The following VPS26C variants were observed in gnomAD, a reference collection of about 807,000 sequenced individuals.
VPS26C encodes the protein vacuolar protein sorting-associated protein 26C.
A neutral mutation model predicts 30.6 loss-of-function variants in VPS26C; 19 were observed. The observed-to-expected ratio is 0.62, with a 90% CI of 0.43 to 0.91. VPS26C has a LOEUF of 0.91. VPS26C is among the 40% of genes least tolerant of loss of function. The pLI is 0.00. For missense variants in VPS26C, 318 were observed against 385.1 expected, an observed-to-expected ratio of 0.83 and a Z score of 1.46; for synonymous variants, 132 against 151.5, an observed-to-expected ratio of 0.87 and a Z score of 0.95.
At chr21:37,266,986 G>C (rs1311468171) in intron 1 of VPS26C, 3 of 549,522 alleles carry the variant, frequency 5.5e-6, no homozygotes, top group Non-Finnish European at 9.7e-6. Flanking sequence ...GGAGCTGGGC[G>C]CCTGCCCTGC....
intron 2 of VPS26C, among the ~76,000 whole-genome samples, chr21:37,240,262 A>G (rs1320342281): frequency 6.6e-6 from 1 of 152,138 alleles, no homozygotes; most frequent in East Asian, 1.9e-4. Flanking sequence ...AGCTGGGACT[A>G]CAGGCACGCA....
chr21:37,252,129 G>A (rs755966537), intron 1 of VPS26C, among the ~76,000 whole-genome samples: 15 of 152,240 alleles, frequency 9.9e-5, no homozygotes, highest in Non-Finnish European at 1.5e-4. Context: ...TTACCAATGA[G>A]GACCAAATGC....
At chr21:37,237,404 T>C (rs898712499) in intron 3 of VPS26C, 37 of 152,320 alleles carry the variant, frequency 2.4e-4, no homozygotes, top group African/African-American at 8.2e-4. Context: ...TTTCATTCAG[T>C]TTCTTTCAGG....
chr21:37,235,183 T>A (rs1181943825), intron 3 of VPS26C, among the ~76,000 whole-genome samples: 1 of 152,164 alleles, frequency 6.6e-6, no homozygotes, highest in South Asian at 2.1e-4. Flanking sequence ...ATTTTTGTAT[T>A]TTAGTAGAGA....
At chr21:37,260,503 G>T (rs770403049) in intron 1 of VPS26C, among the ~76,000 whole-genome samples, 1 of 152,106 alleles carries the variant, frequency 6.6e-6, no homozygotes, top group Non-Finnish European at 1.5e-5. Flanking sequence ...GCAACATAGC[G>T]TGATTTCATC....
intron 3 of VPS26C, among the ~76,000 whole-genome samples, chr21:37,235,881 T>TATATATA (rs1569233819): frequency 7.2e-5 from 10 of 139,666 alleles, no homozygotes; most frequent in Admixed American, 7.0e-5. Flanking sequence ...ATATATATAT[T>TATATATA]TTTTTTTTTA....
At chr21:37,230,062 G>A (rs1602263168) in intron 5 of VPS26C, among the ~76,000 whole-genome samples, 1 of 152,068 alleles carries the variant, frequency 6.6e-6, no homozygotes, top group South Asian at 2.1e-4. Flanking sequence ...GTAGAGACAG[G>A]TTCTATGTTG....
Position 37,250,951 on chromosome 21 carries a change from GA to G in VPS26C, c.58-10313del, listed in dbSNP as rs373177762. ...GAAAAAGATAACTCAGAAGAAAAAT[GA>G]AAAAAAAAAGGGCAAATGATCTGAA... On this transcript the variant is annotated intron_variant, in intron 1 of 7. Transcript: ENST00000309117. Among the ~76,000 whole-genome samples, 120 of 127,544 alleles carry G rather than the reference GA, an allele frequency of 9.4e-4. 1 individual carries two copies. Among genetic ancestry groups the G allele is most frequent in the East Asian group, 3.4e-3 (15 of 4,358 alleles). The allele number at this position is 127,544 out of a possible 152,430, so 83.7% of individuals were successfully genotyped here. A position where few individuals can be genotyped will look rare whatever the true frequency, so the allele number is the denominator to read the frequency against.
intron 2 of VPS26C, among the ~76,000 whole-genome samples, chr21:37,239,713 C>T (rs1334347828): frequency 6.6e-6 from 1 of 151,926 alleles, no homozygotes; most frequent in Non-Finnish European, 1.5e-5. Flanking sequence ...AAGCGATTCT[C>T]CTGCCTCAGC....
At chr21:37,238,324 G>A (rs750389393) in intron 3 of VPS26C, 136 bp downstream of exon 3, 33 of 971,274 alleles carry the variant, frequency 3.4e-5, no homozygotes, top group Non-Finnish European at 4.0e-5. Context: ...AATTAACGTC[G>A]AATATACATG....
At chr21:37,234,897 C>T (rs1015977199) in intron 3 of VPS26C, among the ~76,000 whole-genome samples, 2 of 151,960 alleles carry the variant, frequency 1.3e-5, no homozygotes, top group Non-Finnish European at 2.9e-5. Flanking sequence ...GGCTGAAGTG[C>T]GGTGGCGTGA....
intron 1 of VPS26C, among the ~76,000 whole-genome samples, chr21:37,259,047 G>A (rs79732047): frequency 0.028 from 4,330 of 152,196 alleles, 201 homozygotes; most frequent in African/African-American, 0.1. Flanking sequence ...TTGGATGACT[G>A]TATTCCTAAA....
At chr21:37,250,456 T>C (rs2086180596) in intron 1 of VPS26C, among the ~76,000 whole-genome samples, 1 of 152,182 alleles carries the variant, frequency 6.6e-6, no homozygotes, top group Non-Finnish European at 1.5e-5. Context: ...AAGGCCTTTC[T>C]ATGAATGCCT....
intron 5 of VPS26C, chr21:37,231,550 ATCCCAGGGCCCAGGCC>A (rs761701720): frequency 6.6e-6 from 1 of 152,412 alleles, no homozygotes; most frequent in African/African-American, 2.4e-5. Flanking sequence ...GGCCAATGAC[ATCCCAGGGCCCAGGCC>A]TCCCAGCTTG....
chr21:37,251,344 T>G (rs973137664), intron 1 of VPS26C, among the ~76,000 whole-genome samples: 4 of 152,208 alleles, frequency 2.6e-5, no homozygotes, highest in Non-Finnish European at 4.4e-5. Context: ...CTTTCAACAA[T>G]GTGGAGATCA....
Position 37,267,242 on chromosome 21 carries a change from G to C in VPS26C, c.53C>G (p.Ala18Gly). 2.1e-6 allele frequency: 2 copies of C among 938,092 alleles called. No individual in the cohort carries two copies. Among genetic ancestry groups the C allele is most frequent in the South Asian group, 1.3e-5 (1 of 78,636 alleles). 58.1% of individuals were successfully genotyped at this position (938,092 alleles called of 1,614,324 possible). ...CCACCCCCAGCCCCCACTTACCCCG[G>C]CGTGATAAACTTTATTCGCTCTTTT... ...KIKRANKVYH[A>G]GEVLSGVVVI... The change falls in exon 1 of 8, where the codon GCC (alanine) becomes GGC (glycine). Residue 18 changes from alanine (A) to glycine (G), a missense_variant. Coordinates refer to ENST00000309117, the MANE Select transcript of VPS26C (RefSeq NM_006052.2).
intron 1 of VPS26C, among the ~76,000 whole-genome samples, chr21:37,255,164 G>C (rs115747214): frequency 1.9e-3 from 286 of 152,184 alleles, no homozygotes; most frequent in African/African-American, 6.7e-3. Flanking sequence ...TTTTAGATTA[G>C]AAAAAGCTTA....
At chr21:37,253,160 CTG>C (rs1400868787) in intron 1 of VPS26C, among the ~76,000 whole-genome samples, 2 of 152,208 alleles carry the variant, frequency 1.3e-5, no homozygotes, top group East Asian at 1.9e-4. Context: ...AGCAATGAAA[CTG>C]TAACAAAATA....
chr21:37,261,977 A>G (rs1419067463), intron 1 of VPS26C: 1 of 152,198 alleles, frequency 6.6e-6, no homozygotes, highest in Non-Finnish European at 1.5e-5. Context: ...ACGAAGTACT[A>G]CTTAGAGTAG....
Sources: gnomAD v4.1 joint callset for allele counts (sites outside exome capture counted in the v4.1 genomes callset) on GRCh38, gnomAD v4.1.1 for gene constraint, MANE v1.5 for transcripts, NCBI Gene and HGNC (gene_info 2026-07-23, HGNC 2026-07-21) for gene names.